The following TBX15 variants were observed in gnomAD, a reference collection of about 807,000 sequenced individuals.
TBX15 encodes the protein T-box transcription factor TBX15.
In TBX15, 18 loss-of-function variants were observed where a neutral mutation model predicts 53.9. That is an observed-to-expected ratio of 0.33 (90% CI 0.23 to 0.49). The LOEUF (loss-of-function observed/expected upper bound fraction) is 0.49, where lower values mean the gene tolerates loss of function less well. Among genes scored for constraint, TBX15 ranks in the 20% least tolerant of loss-of-function variants. The pLI, the probability that TBX15 is intolerant of heterozygous loss-of-function variation, is 0.98. For synonymous variants in TBX15, 295 were observed against 278.0 expected (o/e 1.06, Z -0.61); for missense variants, 692 against 749.5 (o/e 0.92, Z 0.90).
intron 1 of TBX15, among the ~76,000 whole-genome samples, chr1:118,952,909 T>G (rs544090388): frequency 6.6e-6 from 1 of 152,162 alleles, no homozygotes; most frequent in African/African-American, 2.4e-5. Context: ...CAAGTGCCTT[T>G]AGCACTTGAA....
intron 1 of TBX15, among the ~76,000 whole-genome samples, chr1:118,987,088 T>C (rs541302872): frequency 1.3e-5 from 2 of 152,244 alleles, no homozygotes; most frequent in South Asian, 4.2e-4. Flanking sequence ...AGTAGAAATA[T>C]AATTATGTTC....
chr1:118,926,732 G>A, intron 2 of TBX15, 121 bp from the exon 3 acceptor site: 1 of 822,480 alleles, frequency 1.2e-6, no homozygotes, highest in Non-Finnish European at 2.0e-6. Context: ...TTGAGATGGA[G>A]TCTCGCTCTG....
chr1:118,898,479 G>C (rs149035288), intron 7 of TBX15, among the ~76,000 whole-genome samples: 3 of 152,088 alleles, frequency 2.0e-5, no homozygotes, highest in African/African-American at 7.2e-5. Flanking sequence ...AAAGCAGTAG[G>C]GGGGAAAGTC....
intron 1 of TBX15, among the ~76,000 whole-genome samples, chr1:118,973,193 G>A (rs969902189): frequency 2.0e-5 from 3 of 152,282 alleles, no homozygotes; most frequent in Admixed American, 6.5e-5. Context: ...GAGGTACAGT[G>A]TGCCCAGGTC....
At chr1:118,980,936 G>A (rs557006873) in intron 1 of TBX15, among the ~76,000 whole-genome samples, 1 of 152,052 alleles carries the variant, frequency 6.6e-6, no homozygotes, top group South Asian at 2.1e-4. Flanking sequence ...TGGTTCAAGC[G>A]ATTCTCCTGC....
chr1:118,923,118 T>C (rs1655477645), intron 5 of TBX15, among the ~76,000 whole-genome samples: 1 of 151,828 alleles, frequency 6.6e-6, no homozygotes, highest in Non-Finnish European at 1.5e-5. Flanking sequence ...ATTACAGTTT[T>C]CTGTATGGAC....
intron 1 of TBX15, among the ~76,000 whole-genome samples, chr1:118,984,924 G>T (rs184354214): frequency 3.0e-4 from 45 of 152,260 alleles, no homozygotes; most frequent in African/African-American, 1.0e-3. Context: ...TCCAGACGCG[G>T]AAAGAAAAAT....
intron 6 of TBX15, among the ~76,000 whole-genome samples, chr1:118,912,817 C>T (rs1655065076): frequency 6.6e-6 from 1 of 152,162 alleles, no homozygotes; most frequent in Non-Finnish European, 1.5e-5. Context: ...GAGCATTTGA[C>T]ATGTAGTCCA....
chr1:118,941,360 T>G (rs1656169614), intron 1 of TBX15, among the ~76,000 whole-genome samples: 1 of 152,196 alleles, frequency 6.6e-6, no homozygotes, highest in South Asian at 2.1e-4. Flanking sequence ...AAACATCAAG[T>G]GTAATTTAAC....
At chr1:118,906,649 G>A (rs1006398753) in intron 6 of TBX15, among the ~76,000 whole-genome samples, 2 of 152,230 alleles carry the variant, frequency 1.3e-5, no homozygotes, top group Admixed American at 6.5e-5. Context: ...CCCCTAGACA[G>A]AAATTATTTC....
chr1:118,978,000 G>C (rs888383491), intron 1 of TBX15, among the ~76,000 whole-genome samples: 5 of 152,104 alleles, frequency 3.3e-5, no homozygotes, highest in African/African-American at 4.8e-5. Flanking sequence ...CAAATCCAGA[G>C]TTTTTCCAGT....
At chr1:118,988,780 T>C (rs4144544), upstream of TBX15, among the ~76,000 whole-genome samples, 15,795 of 152,308 alleles carry the variant, frequency 0.1, 919 homozygotes, top group Non-Finnish European at 0.13. Context: ...TAGAATATTC[T>C]GGTTCCTCCT....
chr1:118,896,374 C>A (rs1654423590), intron 7 of TBX15, among the ~76,000 whole-genome samples: 1 of 152,094 alleles, frequency 6.6e-6, no homozygotes, highest in South Asian at 2.1e-4. Flanking sequence ...GTGCTTTCTT[C>A]AAAGTTTTAT....
chr1:118,953,088 A>T (rs1656569720), intron 1 of TBX15, among the ~76,000 whole-genome samples: 1 of 146,078 alleles, frequency 6.8e-6, no homozygotes, highest in Non-Finnish European at 1.5e-5. Context: ...TGAAAAAAAA[A>T]AAATACACCT....
chr1:118,887,867 A>G (rs1047734286), intron 7 of TBX15, among the ~76,000 whole-genome samples: 1 of 152,164 alleles, frequency 6.6e-6, no homozygotes, highest in African/African-American at 2.4e-5. Context: ...AGTGCTGGCT[A>G]TAGAAGTACA....
chr1:118,893,114 C>T (rs61806184), intron 7 of TBX15, among the ~76,000 whole-genome samples: 3,318 of 151,772 alleles, frequency 0.022, 57 homozygotes, highest in Non-Finnish European at 0.03. Flanking sequence ...TGGTGTGCAC[C>T]TGTAGTCCCA....
chr1:118,934,808 T>G (rs1655911285), intron 1 of TBX15, among the ~76,000 whole-genome samples: 1 of 152,200 alleles, frequency 6.6e-6, no homozygotes, highest in South Asian at 2.1e-4. Context: ...GGCAAGTCTG[T>G]GGAGGCATAG....
At chr1:118,979,514 T>A (rs1657568945) in intron 1 of TBX15, among the ~76,000 whole-genome samples, 1 of 152,238 alleles carries the variant, frequency 6.6e-6, no homozygotes, top group African/African-American at 2.4e-5. Flanking sequence ...GTTTGATTCC[T>A]CGGAAATTTG....
upstream of TBX15, among the ~76,000 whole-genome samples, chr1:118,989,002 C>G (rs896905462): frequency 6.6e-6 from 1 of 152,174 alleles, no homozygotes; most frequent in African/African-American, 2.4e-5. Flanking sequence ...GGCGGCGGAG[C>G]GCGGGGTTTA....
Sources: gnomAD v4.1 joint callset for allele counts (sites outside exome capture counted in the v4.1 genomes callset) on GRCh38, gnomAD v4.1.1 for gene constraint, MANE v1.5 for transcripts, NCBI Gene and HGNC (gene_info 2026-07-23, HGNC 2026-07-21) for gene names.